The following GCN1 variants were observed in gnomAD, a reference collection of about 807,000 sequenced individuals.
The protein encoded by GCN1 is GCN1 activator of EIF2AK4, also known as stalled ribosome sensor GCN1.
In GCN1, 90 loss-of-function variants were observed where a neutral mutation model predicts 288.4. That is an observed-to-expected ratio of 0.31 (90% CI 0.26 to 0.37). GCN1 has a LOEUF of 0.37. Among genes scored for constraint, GCN1 ranks in the 10% least tolerant of loss-of-function variants. The pLI is 1.00. For synonymous variants in GCN1, 1,386 were observed against 1,420.2 expected (o/e 0.98, Z 0.54); for missense variants, 2,586 against 3,419.9 (o/e 0.76, Z 6.08).
At chr12:120,161,646 G>A (rs913386697) in intron 21 of GCN1, 63 bp from the exon 22 acceptor site, 23 of 1,227,010 alleles carry the variant, frequency 1.9e-5, no homozygotes, top group Admixed American at 1.2e-4. Context: ...TCAGCCTCCC[G>A]CCAGCCATGC....
chr12:120,164,761 G>A (rs774452293), intron 16 of GCN1, 40 bp from the exon 17 acceptor site: 2 of 1,378,752 alleles, frequency 1.5e-6, no homozygotes, highest in Admixed American at 3.4e-5. Context: ...TTTTAAAATA[G>A]TTAAGTGTAC....
chr12:120,164,864 T>G (rs1329203505), intron 16 of GCN1, 143 bp from the exon 17 acceptor site: 1 of 536,532 alleles, frequency 1.9e-6, no homozygotes, highest in Non-Finnish European at 3.2e-6. Flanking sequence ...AATTACAGCT[T>G]GTTTTTTTTT....
In GCN1 at chr12:120,163,198, T is replaced by G; in HGVS notation, c.1910A>C (p.Tyr637Ser). The G allele has an allele frequency of 6.2e-7, 1 of 1,613,884 alleles. No individual in the cohort carries two copies. The highest frequency in any genetic ancestry group is 8.5e-7 in the Non-Finnish European group (1 of 1,179,728). The change falls in exon 19 of 58, where the codon TAC (tyrosine) becomes TCC (serine). Residue 637 changes from tyrosine (Y) to serine (S), a missense_variant. By Grantham distance (144) the Tyr-to-Ser change is moderately radical. Around this residue, in one of 8 missense-constraint regions of GCN1, gnomAD observed 913 missense variants for 1,107.0 expected, o/e 0.82. Coordinates refer to ENST00000300648, the MANE Select transcript of GCN1 (RefSeq NM_006836.2). ...CTCCTGCAGGACCCGTGGAGGCACG[T>G]AGGCCTTGCCTGCCTCAGTCACCTC... ...AGEVTEAGKA[Y>S]VPPRVLQEAL...
intron 5 of GCN1, 146 bp downstream of exon 5, chr12:120,183,423 C>A: frequency 1.5e-6 from 1 of 649,028 alleles, no homozygotes; most frequent in South Asian, 1.7e-5. Context: ...CATGGCCATC[C>A]ACCAAAGCCA....
rs775044229 is a variant in GCN1, at chr12:120,136,628, G to A, written c.6882C>T (p.Thr2294=). 1 of 1,614,182 alleles carries A rather than the reference G, an allele frequency of 6.2e-7. No individual in the cohort carries two copies. Among genetic ancestry groups the A allele is most frequent in the Non-Finnish European group, 8.5e-7 (1 of 1,180,010 alleles). ...AKALGLVIRL[T]SADALRPSVV... ...CGGAGGGCCTCAGGGCGTCAGCCGA[G>A]GTCAGGCGGATTACCAAGCCTAAGG... Residue 2294 remains threonine, a synonymous_variant, in exon 51 of 58, where the codon ACC becomes ACT. Transcript: ENST00000300648.
chr12:120,164,862 C>T, intron 16 of GCN1, 141 bp from the exon 17 acceptor site: 5 of 491,146 alleles, frequency 1.0e-5, no homozygotes, highest in Admixed American at 3.8e-5. Flanking sequence ...GAAATTACAG[C>T]TTGTTTTTTT....
At position 120,160,158 on chromosome 12, in the gene GCN1, C is replaced by T. The variant is rs1205193723; in HGVS notation, c.2534G>A (p.Arg845Gln). Residue 845 changes from arginine (R) to glutamine (Q), a missense_variant, in exon 23 of 58, where the codon CGG (arginine) becomes CAG (glutamine). Arg to Gln is a conservative substitution (Grantham distance 43). Coordinates refer to ENST00000300648, the MANE Select transcript of GCN1 (RefSeq NM_006836.2). ...QAQLDREAQV[R>Q]RRLQELDGEL... ...GCCACTCACCTCCTGCAGCCGCCTC[C>T]GGACCTGCGCCTCCCTGTCTAGCTG... is the stretch of plus-strand genomic sequence containing the variant. The T allele has an allele frequency of 4.3e-6, 7 of 1,611,964 alleles. No homozygotes were observed. The highest frequency in any genetic ancestry group is 2.2e-5 in the East Asian group (1 of 44,876).
intron 7 of GCN1, among the ~76,000 whole-genome samples, chr12:120,178,018 A>C (rs559667784): frequency 7.9e-5 from 12 of 151,946 alleles, no homozygotes; most frequent in Admixed American, 7.2e-4. Flanking sequence ...ACTCTAACCC[A>C]TTCCTGCCAC....
Position 120,164,672 on chromosome 12 carries a change from CG to C in GCN1, c.1661del (p.Pro554ArgfsTer21). The C allele has an allele frequency of 1.2e-6, 2 of 1,613,486 alleles. No individual in the cohort carries two copies. The highest frequency in any genetic ancestry group is 1.7e-6 in the Non-Finnish European group (2 of 1,179,512). On this transcript the variant is annotated frameshift_variant, in exon 17 of 58. Coordinates refer to ENST00000300648, the MANE Select transcript of GCN1 (RefSeq NM_006836.2). LOFTEE classifies it high-confidence loss of function. ...HLTERLFLDHPHRLTGNKVQQ... is the reference protein window; with the variant it reads ...HLTERLFLDHXHRLTGNKVQQ... ...GAACTTTGTTGCCAGTGAGTCTATG[CG>C]GGTGGTCAAGGAAAAGTCTCTCTGT...
rs1877000768 is a variant in GCN1 at position 120,136,292 on chromosome 12, C to T, written c.7008+210G>A. On this transcript the variant is annotated intron_variant, in intron 51 of 57. Transcript: ENST00000300648. ...GAGGAAACAGGCTTAGGTTATATGG[C>T]TTTCCCAAGGTCATCCTGGTCACAG... Among the ~76,000 whole-genome samples, 3 of 152,184 alleles carry T rather than the reference C, an allele frequency of 2.0e-5. No homozygotes were observed. The South Asian group carries it at 6.2e-4, about 32-fold the overall frequency.
Position 120,174,308 on chromosome 12 carries a change from T to C in GCN1, c.1094-139A>G, listed in dbSNP as rs1016082758. The C allele has an allele frequency of 1.1e-5, 7 of 620,370 alleles. No individual in the cohort carries two copies. The East Asian group carries it at 1.2e-4, about 10-fold the overall frequency. 38.4% of individuals were successfully genotyped at this position (620,370 alleles called of 1,614,324 possible). A position where few individuals can be genotyped will look rare whatever the true frequency, so the allele number is the denominator to read the frequency against. On this transcript the variant is annotated intron_variant, in intron 12 of 57. Coordinates refer to ENST00000300648, the MANE Select transcript of GCN1 (RefSeq NM_006836.2). ...AGGCATACCTCTCCTTTGGCCATTA[T>C]TGATCTTCCTTCAATGCCCCCTCTA...
At chr12:120,132,242 CTTAA>C (rs1350005398) in intron 53 of GCN1, among the ~76,000 whole-genome samples, 4 of 152,228 alleles carry the variant, frequency 2.6e-5, no homozygotes, top group African/African-American at 9.7e-5. Context: ...CAGCACTTCA[CTTAA>C]TTATAGAAAA....
At chr12:120,170,463 G>T in intron 14 of GCN1, 142 bp from the exon 15 acceptor site, 1 of 727,660 alleles carries the variant, frequency 1.4e-6, no homozygotes, top group South Asian at 1.9e-5. Context: ...AAGAAGTGAA[G>T]TGAAATCAAA....
chr12:120,183,823 T>C, intron 4 of GCN1, 146 bp from the exon 5 acceptor site: 1 of 625,396 alleles, frequency 1.6e-6, no homozygotes. Context: ...AAACCATCTG[T>C]GGCAATTCAG....
chr12:120,169,590 G>A (rs975526947), intron 15 of GCN1, among the ~76,000 whole-genome samples: 3 of 151,974 alleles, frequency 2.0e-5, no homozygotes, highest in East Asian at 1.9e-4. Context: ...TGCAACCTAC[G>A]CCTCCTGGGT....
intron 56 of GCN1, 110 bp from the exon 57 acceptor site, chr12:120,129,604 C>G (rs985660963): frequency 5.2e-6 from 4 of 776,104 alleles, no homozygotes; most frequent in African/African-American, 3.4e-5. Flanking sequence ...ACTGACCCCC[C>G]CTGCTCCTGT....
chr12:120,146,956 A>C, intron 38 of GCN1, 96 bp downstream of exon 38: 1 of 669,178 alleles, frequency 1.5e-6, no homozygotes, highest in Non-Finnish European at 2.3e-6. Context: ...ACTAACGTCC[A>C]TAACTTTCCA....
At chr12:120,168,477 C>A in intron 15 of GCN1, 177 bp from the exon 16 acceptor site, 1 of 554,838 alleles carries the variant, frequency 1.8e-6, no homozygotes, top group South Asian at 2.1e-5. Context: ...ACCTCCTGTA[C>A]GAAACTCTTC....
At chr12:120,139,907 C>T (rs1403924187) in intron 45 of GCN1, among the ~76,000 whole-genome samples, 1 of 152,132 alleles carries the variant, frequency 6.6e-6, no homozygotes, top group Non-Finnish European at 1.5e-5. Context: ...TGGCTCTGCT[C>T]CCTCAGTAAC....
Sources: allele counts gnomAD v4.1 joint callset (sites outside exome capture counted in the v4.1 genomes callset), GRCh38; gene constraint gnomAD v4.1.1; regional missense constraint gnomAD v4.1.1; transcripts MANE v1.5; gene names NCBI Gene and HGNC (gene_info 2026-07-23, HGNC 2026-07-21).